RPS3: variants seen among roughly 807,000 people sequenced by gnomAD.
RPS3 encodes small ribosomal subunit protein uS3.
In RPS3, 2 loss-of-function variants were observed where a neutral mutation model predicts 25.8. That is an observed-to-expected ratio of 0.08 (90% CI 0.03 to 0.24). The LOEUF (loss-of-function observed/expected upper bound fraction) is 0.24. Among genes scored for constraint, RPS3 ranks in the 10% least tolerant of loss-of-function variants. The pLI is 1.00. For synonymous variants in RPS3, 114 were observed against 114.2 expected (o/e 1.00, Z 0.01); for missense variants, 107 against 307.1 (o/e 0.35, Z 4.87).
Position 75,404,639 on chromosome 11 carries a change from C to T in RPS3, c.539-33C>T, listed in dbSNP as rs1565164582. 6.3e-6 allele frequency: 10 copies of T among 1,593,118 alleles called. No individual in the cohort carries two copies. The East Asian group carries it at 2.0e-4, about 32-fold the overall frequency. ...TGTGTGATGGGGGCCTTTGAGACCC[C>T]AGCTGTGTGCTAACAACTGTGGTGT... On this transcript the variant is annotated intron_variant, in intron 5 of 6. Transcript: ENST00000531188. This position sits in a 1 kb window ranked among gnomAD's most constrained non-coding sequence, Gnocchi z 4.6.
chr11:75,407,158 G>A (rs555731955), downstream of RPS3, among the ~76,000 whole-genome samples: 1 of 152,244 alleles, frequency 6.6e-6, no homozygotes, highest in East Asian at 1.9e-4. Context: ...TATTTTTTGA[G>A]GTGGAGTTTT....
Position 75,404,000 on chromosome 11 carries a change from T to G in RPS3, c.351-20T>G, listed in dbSNP as rs758576532. 3.7e-6 allele frequency: 6 copies of G among 1,605,170 alleles called. No individual in the cohort carries two copies. In the African/African-American group the frequency reaches 8.0e-5, roughly 22 times the overall value. ...AGGTCCTTGGCAATAACACAGTGGC[T>G]CTCTTCTGTTCTTTTAAAGGGCCTG... On this transcript the variant is annotated intron_variant, in intron 4 of 6. Coordinates refer to ENST00000531188, the MANE Select transcript of RPS3 (RefSeq NM_001005.5).
In RPS3 at chr11:75,399,586, C is replaced by G; in HGVS notation, c.30+9C>G. 1 of 1,612,932 alleles carries G rather than the reference C, an allele frequency of 6.2e-7. No homozygotes were observed. The highest frequency in any genetic ancestry group is 1.7e-4 in the Middle Eastern group (1 of 6,054). On this transcript the variant is annotated intron_variant, in intron 1 of 6. Transcript: ENST00000531188. ...TATCCAAGAAGAGGAAGGTGAGCCT[C>G]TGGGGACTGGGTTCGGAGAACGACG...
downstream of RPS3, among the ~76,000 whole-genome samples, chr11:75,410,017 G>A (rs1264951807): frequency 2.1e-5 from 3 of 143,298 alleles, no homozygotes; most frequent in South Asian, 2.2e-4. Context: ...AGGGGCGGCC[G>A]GGCAGAGGCG....
intron 6 of RPS3, among the ~76,000 whole-genome samples, chr11:75,420,213 G>C (rs1324115468): frequency 6.6e-6 from 1 of 152,202 alleles, no homozygotes; most frequent in Non-Finnish European, 1.5e-5. Context: ...GAGCCAGGGA[G>C]ATCCTCCATT....
intron 6 of RPS3, among the ~76,000 whole-genome samples, chr11:75,420,675 C>T (rs916902112): frequency 3.3e-5 from 5 of 152,004 alleles, no homozygotes; most frequent in African/African-American, 1.2e-4. Flanking sequence ...AAGCCTTGTT[C>T]CAGGCGCTGG....
chr11:75,400,621 A>T (rs1437057658), intron 1 of RPS3, 73 bp from the exon 2 acceptor site: 11 of 1,588,750 alleles, frequency 6.9e-6, no homozygotes, highest in Non-Finnish European at 9.5e-6. Flanking sequence ...TTGACTAATA[A>T]GACTAGACTG....
chr11:75,405,025 T>A, intron 6 of RPS3, 157 bp downstream of exon 6: 1 of 535,692 alleles, frequency 1.9e-6, no homozygotes, highest in Non-Finnish European at 3.3e-6. Flanking sequence ...CTGGGGTCTA[T>A]TTAACCCTTG....
At chr11:75,415,264 C>G (rs74636820) in intron 6 of RPS3, among the ~76,000 whole-genome samples, 1 of 152,164 alleles carries the variant, frequency 6.6e-6, no homozygotes. Flanking sequence ...CCTTTCTGAT[C>G]CTCAGTTATC....
intron 4 of RPS3, chr11:75,403,704 G>C (rs1457409777): frequency 4.6e-6 from 1 of 216,180 alleles, no homozygotes; most frequent in Non-Finnish European, 9.2e-6. Flanking sequence ...GATATTCCTG[G>C]ACTTTGCACA....
chr11:75,410,011 G>T (rs1948331450), downstream of RPS3, among the ~76,000 whole-genome samples: 1 of 142,800 alleles, frequency 7.0e-6, no homozygotes, highest in Non-Finnish European at 1.6e-5. Flanking sequence ...CCCAGTAGGG[G>T]CGGCCGGGCA....
chr11:75,407,768 A>C (rs1948303820), downstream of RPS3, among the ~76,000 whole-genome samples: 1 of 152,214 alleles, frequency 6.6e-6, no homozygotes, highest in Non-Finnish European at 1.5e-5. Flanking sequence ...TGCCTGGCCA[A>C]ACATCTGCAG....
chr11:75,420,792 G>A (rs1029022395), intron 6 of RPS3, among the ~76,000 whole-genome samples: 2 of 152,004 alleles, frequency 1.3e-5, no homozygotes, highest in African/African-American at 4.8e-5. Context: ...CATGTGCCCG[G>A]TGATAGAGGA....
chr11:75,417,864 G>A (rs1251807618), intron 6 of RPS3, among the ~76,000 whole-genome samples: 1 of 152,188 alleles, frequency 6.6e-6, no homozygotes, highest in Non-Finnish European at 1.5e-5. Flanking sequence ...CACCTGTAAG[G>A]GGATGCTGGG....
chr11:75,411,418 C>G (rs1433514079), downstream of RPS3, among the ~76,000 whole-genome samples: 1 of 152,122 alleles, frequency 6.6e-6, no homozygotes, highest in African/African-American at 2.4e-5. Flanking sequence ...GAGACGGAGT[C>G]TCGCTCTGTC....
intron 6 of RPS3, among the ~76,000 whole-genome samples, chr11:75,416,802 A>G (rs1948403085): frequency 6.6e-6 from 1 of 152,192 alleles, no homozygotes; most frequent in Admixed American, 6.5e-5. Flanking sequence ...TTGTATTTCA[A>G]AGTAGGGCCT....
At chr11:75,415,720 C>A (rs1649082244) in intron 6 of RPS3, among the ~76,000 whole-genome samples, 1 of 150,732 alleles carries the variant, frequency 6.6e-6, no homozygotes, top group South Asian at 2.1e-4. Flanking sequence ...GCGGGAAAAT[C>A]TCTTGAACCT....
chr11:75,415,792 C>T (rs1368170174), intron 6 of RPS3, among the ~76,000 whole-genome samples: 5 of 131,324 alleles, frequency 3.8e-5, no homozygotes, highest in African/African-American at 5.7e-5. Flanking sequence ...GGCGGCAAAG[C>T]GAGACTCCAT....
At chr11:75,421,458 G>A (rs1455514357) in intron 6 of RPS3, among the ~76,000 whole-genome samples, 1 of 152,158 alleles carries the variant, frequency 6.6e-6, no homozygotes, top group African/African-American at 2.4e-5. Flanking sequence ...TCTGTCTATG[G>A]TGTCTTTTGT....
Sources: gnomAD v4.1 joint callset for allele counts (sites outside exome capture counted in the v4.1 genomes callset) on GRCh38, gnomAD v4.1.1 for gene constraint, Gnocchi (gnomAD v3.1) non-coding constraint, MANE v1.5 for transcripts, NCBI Gene and HGNC (gene_info 2026-07-23, HGNC 2026-07-21) for gene names.